The following C2orf92 variants were observed in gnomAD, a reference collection of about 807,000 sequenced individuals.
C2orf92 encodes the protein chromosome 2 open reading frame 92.
At chr2:97,691,576 A>C (rs1164312089) in intron 5 of C2orf92, among the ~76,000 whole-genome samples, 1 of 152,214 alleles carries the variant, frequency 6.6e-6, no homozygotes, top group East Asian at 1.9e-4. Flanking sequence ...AAAAGAAAAA[A>C]ACCAGGCCAA....
Position 97,674,565 on chromosome 2 carries a change from T to C in C2orf92, c.148+8T>C. 1 of 398,638 alleles carries C rather than the reference T, an allele frequency of 2.5e-6. No individual in the cohort carries two copies. The highest frequency in any genetic ancestry group is 1.3e-4 in the South Asian group (1 of 7,858). 24.7% of individuals were successfully genotyped at this position (398,638 alleles called of 1,614,324 possible). ...AGAGAGACACACAAAAAAGCAAGTA[T>C]ATGTCGTTAACCTGACATGTGTACA... is the stretch of plus-strand genomic sequence containing the variant. On this transcript the variant is annotated splice_region_variant and intron_variant, in intron 2 of 7. Transcript: ENST00000627399.
intron 5 of C2orf92, among the ~76,000 whole-genome samples, chr2:97,694,231 CCTTTCTTTCTTT>C (rs551839340): frequency 4.0e-5 from 6 of 151,334 alleles, no homozygotes; most frequent in Non-Finnish European, 7.4e-5. Flanking sequence ...TTCAAAATGT[CCTTTCTTTCTTT>C]CTTTCTTTTT....
At chr2:97,666,987 C>G (rs564823471), upstream of C2orf92, 1 of 152,274 alleles carries the variant, frequency 6.6e-6, no homozygotes, top group African/African-American at 2.4e-5. Context: ...CCGAGGTGAC[C>G]TCTATCCTGA....
intron 3 of C2orf92, among the ~76,000 whole-genome samples, chr2:97,682,505 C>T (rs1370143826): frequency 2.0e-5 from 3 of 152,206 alleles, no homozygotes; most frequent in East Asian, 1.9e-4. Context: ...CAGACAAAGT[C>T]ACTACAAGAA....
chr2:97,669,603 T>C (rs982223968), upstream of C2orf92: 9 of 389,524 alleles, frequency 2.3e-5, no homozygotes, highest in South Asian at 1.3e-3. Flanking sequence ...GCCACCAGCA[T>C]AGCCCCCGTC....
intron 5 of C2orf92, chr2:97,697,982 C>T (rs80182717): frequency 0.014 from 2,080 of 152,032 alleles, 13 homozygotes; most frequent in Non-Finnish European, 0.015. Flanking sequence ...TTCTCTATCT[C>T]TCTGTGAACA....
intron 1 of C2orf92, chr2:97,672,212 C>T (rs1057433888): frequency 4.0e-5 from 6 of 151,252 alleles, no homozygotes; most frequent in African/African-American, 1.5e-4. Context: ...GGGAGAGTGG[C>T]GCTGATGCTT....
chr2:97,663,971 C>T, upstream of C2orf92: 1 of 872,976 alleles, frequency 1.1e-6, no homozygotes. Context: ...ACCGGGACGG[C>T]GGCGGCTCCC....
upstream of C2orf92, chr2:97,665,839 C>G (rs1675215401): frequency 6.7e-6 from 1 of 149,730 alleles, no homozygotes; most frequent in Admixed American, 6.7e-5. Context: ...GTGCAGTTGC[C>G]TGATATCAGC....
At chr2:97,665,717 CTCTCTCTCTCTCTCTCTCTCTATATA>C (rs1317345751), upstream of C2orf92, 24 of 48,416 alleles carry the variant, frequency 5.0e-4, no homozygotes, top group Non-Finnish European at 8.9e-4. Context: ...CTCTCTCTCT[CTCTCTCTCTCTCTCTCTCTCTATATA>C]TATATATATA....
chr2:97,672,065 C>A (rs187368711), intron 1 of C2orf92, among the ~76,000 whole-genome samples: 2 of 152,114 alleles, frequency 1.3e-5, no homozygotes, highest in Non-Finnish European at 2.9e-5. Flanking sequence ...AGAGCTGAGA[C>A]GGAGAAAAGG....
intron 3 of C2orf92, chr2:97,677,880 A>G (rs983894161): frequency 6.6e-5 from 10 of 152,336 alleles, no homozygotes; most frequent in Admixed American, 3.9e-4. Flanking sequence ...GAAATTATTG[A>G]AAAGAGCCAA....
At chr2:97,686,220 C>G (rs1675955302) in intron 3 of C2orf92, among the ~76,000 whole-genome samples, 1 of 152,144 alleles carries the variant, frequency 6.6e-6, no homozygotes, top group Non-Finnish European at 1.5e-5. Context: ...ACATGGTATG[C>G]ACTCTTACGA....
chr2:97,670,802 G>A (rs186644079), intron 1 of C2orf92: 6 of 152,218 alleles, frequency 3.9e-5, no homozygotes, highest in Admixed American at 3.9e-4. Context: ...GGGCTCAAGT[G>A]ATCCTCCTAC....
chr2:97,678,702 G>C (rs867189033), intron 3 of C2orf92, among the ~76,000 whole-genome samples: 1 of 151,882 alleles, frequency 6.6e-6, no homozygotes, highest in Non-Finnish European at 1.5e-5. Context: ...GGGCATGGTG[G>C]CTCATTCCTG....
intron 3 of C2orf92, chr2:97,677,358 G>A (rs1675616881): frequency 6.6e-6 from 1 of 152,230 alleles, no homozygotes. Context: ...AGGCTTCCAA[G>A]CAGCCCTGTT....
chr2:97,699,933 CCT>C (rs1344603537), intron 6 of C2orf92, among the ~76,000 whole-genome samples: 1 of 152,208 alleles, frequency 6.6e-6, no homozygotes, highest in East Asian at 1.9e-4. Context: ...CTGGACATGC[CCT>C]GTTTTCTCCC....
intron 5 of C2orf92, 55 bp downstream of exon 5, chr2:97,690,382 T>A: frequency 2.5e-6 from 1 of 396,014 alleles, no homozygotes. Context: ...TTGTTCTTTT[T>A]CCTCTTTTTT....
chr2:97,689,052 T>G, intron 4 of C2orf92, 59 bp downstream of exon 4: 1 of 398,432 alleles, frequency 2.5e-6, no homozygotes. Flanking sequence ...ATGTGTTGTC[T>G]TAAATGTGCT....
Sources: allele counts gnomAD v4.1 joint callset (sites outside exome capture counted in the v4.1 genomes callset), GRCh38; gene constraint gnomAD v4.1.1; transcripts MANE v1.5; gene names NCBI Gene and HGNC (gene_info 2026-07-23, HGNC 2026-07-21).